The following NPL variants were observed in gnomAD, a reference collection of about 807,000 sequenced individuals.
The protein encoded by NPL is N-acetylneuraminate pyruvate lyase.
A neutral mutation model predicts 41.1 loss-of-function variants in NPL; 32 were observed. The observed-to-expected ratio is 0.78, with a 90% CI of 0.59 to 1.05. The LOEUF is 1.05. Among genes scored for constraint, NPL ranks in the 50% least tolerant of loss-of-function variants. The probability of loss-of-function intolerance (pLI) is 0.00; values close to 1 mark genes in which losing one functional copy is unlikely to be tolerated. For synonymous variants in NPL, 128 were observed against 134.9 expected (o/e 0.95, Z 0.35); for missense variants, 321 against 378.4 (o/e 0.85, Z 1.26).
chr1:182,797,060 A>G (rs1489120347), intron 3 of NPL, among the ~76,000 whole-genome samples: 1 of 151,286 alleles, frequency 6.6e-6, no homozygotes, highest in African/African-American at 2.4e-5. Context: ...AAGCTCTTTC[A>G]TATTCTCCAA....
rs1020020236 is a variant in NPL at position 182,828,831 on chromosome 1, G to A, written c.886G>A (p.Ala296Thr). The A allele has an allele frequency of 6.2e-7, 1 of 1,614,192 alleles. No individual in the cohort carries two copies. Residue 296 changes from alanine to threonine, a missense_variant, in exon 13 of 13, where the codon GCT (alanine) becomes ACT (threonine). By Grantham distance (58) the Ala-to-Thr change is moderately conservative. Coordinates refer to ENST00000367553, the MANE Select transcript of NPL (RefSeq NM_030769.3). The surrounding 1 kb of genome is among the most constrained non-coding windows in gnomAD (Gnocchi z 4.0). ...AGCCTCCAGGGAGTTTACTGATAGT[G>A]CTGAAGCTAAACTGAAGAGCCTGGA... ...QKASREFTDS[A>T]EAKLKSLDFL...
chr1:182,821,291 A>C (rs1667480818), intron 10 of NPL, among the ~76,000 whole-genome samples: 1 of 152,234 alleles, frequency 6.6e-6, no homozygotes, highest in Non-Finnish European at 1.5e-5. Context: ...AAATATCCTT[A>C]TTATGAGTTT....
chr1:182,812,242 C>G (rs745941974), intron 6 of NPL, 29 bp downstream of exon 6: 1 of 1,597,404 alleles, frequency 6.3e-7, no homozygotes, highest in South Asian at 1.1e-5. Context: ...CTGGGAGAGA[C>G]CATTCAAGGG....
intron 7 of NPL, 48 bp downstream of exon 7, chr1:182,814,906 T>C (rs1170481436): frequency 7.0e-7 from 1 of 1,423,266 alleles, no homozygotes; most frequent in Non-Finnish European, 9.9e-7. Context: ...GTCCACTTCT[T>C]CTTGCCTCCA....
chr1:182,794,324 G>A, intron 2 of NPL, 32 bp from the exon 3 acceptor site: 1 of 1,572,540 alleles, frequency 6.4e-7, no homozygotes, highest in Non-Finnish European at 8.8e-7. Context: ...ATTCCTTGAA[G>A]AAAGAGAGAA....
At chr1:182,818,744 G>T in intron 9 of NPL, 55 bp downstream of exon 9, 1 of 1,613,792 alleles carries the variant, frequency 6.2e-7, no homozygotes, top group Non-Finnish European at 8.5e-7. Flanking sequence ...AACAATTTGT[G>T]TAGCTATATA....
At chr1:182,797,495 C>A (rs1557940398) in intron 3 of NPL, among the ~76,000 whole-genome samples, 1 of 152,172 alleles carries the variant, frequency 6.6e-6, no homozygotes, top group Non-Finnish European at 1.5e-5. Flanking sequence ...CATAGGAAGT[C>A]CTCACAGTTT....
At chr1:182,810,029 C>T (rs1667130939) in intron 5 of NPL, 1 of 152,120 alleles carries the variant, frequency 6.6e-6, no homozygotes, top group African/African-American at 2.4e-5. Context: ...AAAATACAAA[C>T]CTGATCATGT....
rs1190008495 is a variant in NPL at position 182,828,495 on chromosome 1, T to A, written c.779-229T>A. 6.6e-6 allele frequency among the ~76,000 whole-genome samples: 1 copy of A among 152,232 alleles called. No individual in the cohort carries two copies. Among genetic ancestry groups the A allele is most frequent in the African/African-American group, 2.4e-5 (1 of 41,456 alleles). The stretch of plus-strand genomic sequence containing the variant: ...TAAGATTAACCTTGAGTCTTTGTTT[T>A]CTTTTACTGTGATCAACTTTTAAAA... On this transcript the variant is annotated intron_variant, in intron 12 of 12. Coordinates refer to ENST00000367553, the MANE Select transcript of NPL (RefSeq NM_030769.3). The surrounding 1 kb of genome is among the most constrained non-coding windows in gnomAD (Gnocchi z 4.0).
At chr1:182,798,296 C>T (rs1666733842) in intron 3 of NPL, among the ~76,000 whole-genome samples, 2 of 147,592 alleles carry the variant, frequency 1.4e-5, no homozygotes, top group South Asian at 2.1e-4. Flanking sequence ...GGCACAATCT[C>T]GACTCACTGC....
At chr1:182,798,715 C>A (rs1666747814) in intron 3 of NPL, among the ~76,000 whole-genome samples, 1 of 152,190 alleles carries the variant, frequency 6.6e-6, no homozygotes, top group Non-Finnish European at 1.5e-5. Context: ...GCTGTTACCC[C>A]AGTGAGGAAA....
intron 11 of NPL, among the ~76,000 whole-genome samples, chr1:182,824,732 G>C (rs975186245): frequency 5.3e-5 from 8 of 152,164 alleles, no homozygotes; most frequent in African/African-American, 1.9e-4. Context: ...GGGAGGCAGA[G>C]CTTGCAGTGA....
intron 3 of NPL, among the ~76,000 whole-genome samples, chr1:182,796,313 T>C (rs1402242062): frequency 6.6e-6 from 1 of 151,966 alleles, no homozygotes; most frequent in Non-Finnish European, 1.5e-5. Flanking sequence ...TTCCTGTAGG[T>C]ATAAAGTAGC....
At chr1:182,812,728 T>A (rs1557947979) in intron 6 of NPL, among the ~76,000 whole-genome samples, 1 of 152,050 alleles carries the variant, frequency 6.6e-6, no homozygotes, top group Non-Finnish European at 1.5e-5. Flanking sequence ...TTTTTCTGGG[T>A]ACACTCTTTA....
At chr1:182,803,206 A>T (rs1053587157) in intron 3 of NPL, among the ~76,000 whole-genome samples, 4 of 152,168 alleles carry the variant, frequency 2.6e-5, no homozygotes, top group African/African-American at 9.7e-5. Context: ...AGACCTAAGT[A>T]CCCTAAGAGT....
intron 5 of NPL, among the ~76,000 whole-genome samples, chr1:182,811,592 A>C (rs1022991870): frequency 2.0e-5 from 3 of 152,166 alleles, no homozygotes; most frequent in African/African-American, 4.8e-5. Context: ...GTAAGCATGT[A>C]TATAAGACGA....
In NPL at chr1:182,829,413, C is replaced by T; in HGVS notation, c.*505C>T. On this transcript the variant is annotated 3_prime_UTR_variant, in exon 13 of 13. Transcript: ENST00000367553. ...ACTCAAAATACACCAGCTCATTTGGCTGCTCAGTCTAACTCTAGAATGGAT... is the reference window on the plus strand; with the variant it reads ...ACTCAAAATACACCAGCTCATTTGGTTGCTCAGTCTAACTCTAGAATGGAT... 1.4e-6 allele frequency: 2 copies of T among 1,391,392 alleles called. No homozygotes were observed. The highest frequency in any genetic ancestry group is 1.9e-6 in the Non-Finnish European group (2 of 1,070,336). The allele number at this position is 1,391,392 out of a possible 1,614,324, so 86.2% of individuals were successfully genotyped here.
chr1:182,799,239 C>CT (rs1666764488), intron 3 of NPL, among the ~76,000 whole-genome samples: 1 of 152,170 alleles, frequency 6.6e-6, no homozygotes, highest in African/African-American at 2.4e-5. Flanking sequence ...GAACAGAAGA[C>CT]TTTCTTCCGC....
At chr1:182,819,434 G>T (rs1179458482) in intron 10 of NPL, among the ~76,000 whole-genome samples, 1 of 146,652 alleles carries the variant, frequency 6.8e-6, no homozygotes, top group Non-Finnish European at 1.5e-5. Context: ...CAACAAGAGT[G>T]AAACTCCATC....
Sources: gnomAD v4.1 joint callset for allele counts (sites outside exome capture counted in the v4.1 genomes callset) on GRCh38, gnomAD v4.1.1 for gene constraint, Gnocchi (gnomAD v3.1) non-coding constraint, MANE v1.5 for transcripts, NCBI Gene and HGNC (gene_info 2026-07-23, HGNC 2026-07-21) for gene names.